Variants in CALCR observed in about 807,000 individuals in gnomAD.
CALCR encodes calcitonin receptor.
In CALCR, 47 loss-of-function variants were observed where a neutral mutation model predicts 59.5. The ratio of observed to expected loss-of-function variants is 0.79; its 90% CI spans 0.63 to 1.01. The LOEUF is 1.01. Among genes scored for constraint, CALCR ranks in the 50% least tolerant of loss-of-function variants. The probability of loss-of-function intolerance (pLI) is 0.00; values close to 1 mark genes in which losing one functional copy is unlikely to be tolerated. For synonymous variants in CALCR, 213 were observed against 211.3 expected, an observed-to-expected ratio of 1.01 and a Z score of -0.07; for missense variants, 566 against 597.1, an observed-to-expected ratio of 0.95 and a Z score of 0.54.
intron 2 of CALCR, among the ~76,000 whole-genome samples, chr7:93,533,791 CT>C (rs1788912029): frequency 6.6e-6 from 1 of 151,548 alleles, no homozygotes; most frequent in Non-Finnish European, 1.5e-5. Context: ...TTTTTTTCTC[CT>C]TTCCCAGTAA....
At chr7:93,566,300 A>T (rs1270574627) in intron 2 of CALCR, among the ~76,000 whole-genome samples, 1 of 152,142 alleles carries the variant, frequency 6.6e-6, no homozygotes, top group Non-Finnish European at 1.5e-5. Flanking sequence ...TCTGGAATGT[A>T]AACTTAATAT....
At chr7:93,528,331 G>T (rs1273328197) in intron 2 of CALCR, among the ~76,000 whole-genome samples, 1 of 152,154 alleles carries the variant, frequency 6.6e-6, no homozygotes, top group Non-Finnish European at 1.5e-5. Flanking sequence ...ACAACGTGCA[G>T]GTTTGTTACA....
chr7:93,479,851 T>C lies in CALCR; in HGVS notation c.52-344A>G, dbSNP rs142357466. 1.2e-3 allele frequency among the ~76,000 whole-genome samples: 177 copies of C among 151,962 alleles called. 1 individual carries two copies. In the East Asian group the frequency reaches 0.031, roughly 27 times the overall value. On this transcript the variant is annotated intron_variant, in intron 3 of 13. Coordinates refer to ENST00000426151, the MANE Select transcript of CALCR (RefSeq NM_001742.4). ...AACAAATAATCTAATTTCCAAAAAA[T>C]ACAAATATGAAATCAACTTTGCCTT...
At chr7:93,516,763 T>G (rs532679946) in intron 2 of CALCR, among the ~76,000 whole-genome samples, 1 of 151,998 alleles carries the variant, frequency 6.6e-6, no homozygotes, top group South Asian at 2.1e-4. Flanking sequence ...ATGATCGATA[T>G]ATTTCTTTAA....
intron 5 of CALCR, among the ~76,000 whole-genome samples, chr7:93,477,184 T>C (rs948057212): frequency 6.6e-6 from 1 of 151,904 alleles, no homozygotes; most frequent in African/African-American, 2.4e-5. Context: ...GTTGTGCCCA[T>C]AGCTAATCCA....
intron 2 of CALCR, among the ~76,000 whole-genome samples, chr7:93,558,230 T>C (rs952545579): frequency 2.0e-5 from 3 of 151,922 alleles, no homozygotes; most frequent in African/African-American, 7.2e-5. Context: ...TTCTACCTAC[T>C]GCCTTGTATC....
At chr7:93,564,760 T>TC (rs559599246) in intron 2 of CALCR, among the ~76,000 whole-genome samples, 14 of 151,938 alleles carry the variant, frequency 9.2e-5, no homozygotes, top group Middle Eastern at 3.4e-3. Context: ...AGCCAATTTT[T>TC]TTTTTTTTCC....
chr7:93,454,923 T>TGC (rs1800180508), intron 8 of CALCR, among the ~76,000 whole-genome samples: 1 of 144,830 alleles, frequency 6.9e-6, no homozygotes, highest in African/African-American at 2.6e-5. Context: ...ATTTTGTGTG[T>TGC]GTGTGTGTGT....
intron 2 of CALCR, among the ~76,000 whole-genome samples, chr7:93,535,012 A>T (rs899136528): frequency 6.6e-6 from 1 of 151,714 alleles, no homozygotes; most frequent in Non-Finnish European, 1.5e-5. Context: ...CTTGCCCAAG[A>T]TAATTAAATT....
At chr7:93,525,821 T>C (rs989013529) in intron 2 of CALCR, among the ~76,000 whole-genome samples, 4 of 152,162 alleles carry the variant, frequency 2.6e-5, no homozygotes, top group Admixed American at 2.6e-4. Flanking sequence ...TAGAGATTTG[T>C]TTTGTATTAA....
intron 2 of CALCR, among the ~76,000 whole-genome samples, chr7:93,505,503 A>G (rs576212163): frequency 4.2e-4 from 64 of 152,288 alleles, no homozygotes; most frequent in African/African-American, 1.5e-3. Flanking sequence ...CCAAATTTAC[A>G]AAGTGTATAC....
intron 12 of CALCR, 74 bp downstream of exon 12, chr7:93,435,878 C>T: frequency 1.7e-6 from 1 of 588,318 alleles, no homozygotes; most frequent in East Asian, 2.8e-5. Flanking sequence ...AATAAAAGAT[C>T]ATGGGCTTTA....
rs1052251513 is a variant in CALCR, at chr7:93,472,486, T to G, written c.318A>C (p.Glu106Asp). The G allele has an allele frequency of 2.6e-6, 4 of 1,547,498 alleles. No individual in the cohort carries two copies. The African/African-American group carries it at 5.5e-5, about 21-fold the overall frequency. ...PDYFPDFDPS[E>D]KVTKYCDEKG... The stretch of plus-strand genomic sequence containing the variant: ...TTTCATCACAGTATTTTGTAACCTT[T>G]TCTGTTAATGAAACATAACAGTTAT... The change falls in exon 6 of 14, where the codon GAA becomes GAC. Residue 106 changes from glutamate (E) to aspartate (D), a missense_variant and splice_region_variant. Coordinates refer to ENST00000426151, the MANE Select transcript of CALCR (RefSeq NM_001742.4).
intron 8 of CALCR, among the ~76,000 whole-genome samples, chr7:93,450,716 T>C (rs1204007680): frequency 2.6e-5 from 4 of 151,998 alleles, no homozygotes; most frequent in African/African-American, 9.7e-5. Context: ...CTTCAGATAA[T>C]TTCTTTTTAT....
At chr7:93,493,557 C>A (rs1801131622) in intron 2 of CALCR, among the ~76,000 whole-genome samples, 1 of 151,274 alleles carries the variant, frequency 6.6e-6, no homozygotes, top group South Asian at 2.1e-4. Context: ...GACCAGTTTC[C>A]CTGCTTCAAG....
chr7:93,479,528 A>G (rs1250342354), intron 3 of CALCR, 21 bp from the exon 4 acceptor site: 6 of 1,606,024 alleles, frequency 3.7e-6, no homozygotes, highest in Non-Finnish European at 5.1e-6. Flanking sequence ...AAGAAAAATC[A>G]GTTACTTATA....
intron 2 of CALCR, among the ~76,000 whole-genome samples, chr7:93,566,520 TAAAG>T (rs1789867587): frequency 6.6e-6 from 1 of 152,170 alleles, no homozygotes; most frequent in African/African-American, 2.4e-5. Context: ...TATATTAAAA[TAAAG>T]AAACGTCTAA....
chr7:93,548,866 GTGTGTGTGTGTGTC>G (rs55966211), intron 2 of CALCR, among the ~76,000 whole-genome samples: 39,104 of 147,384 alleles, frequency 0.27, 6,108 homozygotes, highest in Non-Finnish European at 0.37. Context: ...GTGTGTGTGT[GTGTGTGTGTGTGTC>G]TGTGTGTGTG....
intron 3 of CALCR, among the ~76,000 whole-genome samples, chr7:93,481,577 C>G (rs1800798355): frequency 6.6e-6 from 1 of 151,764 alleles, no homozygotes; most frequent in Non-Finnish European, 1.5e-5. Flanking sequence ...ACTTCTCCCC[C>G]TTGGTAAGTA....
Sources: allele counts gnomAD v4.1 joint callset (sites outside exome capture counted in the v4.1 genomes callset), GRCh38; gene constraint gnomAD v4.1.1; transcripts MANE v1.5; gene names NCBI Gene and HGNC (gene_info 2026-07-23, HGNC 2026-07-21).